NCAM1: variants seen among roughly 807,000 people sequenced by gnomAD.
NCAM1 encodes antigen recognized by monoclonal antibody 5.1H11.
NCAM1 carries 14 observed loss-of-function variants against 109.8 expected under a neutral mutation model. The observed-to-expected ratio is 0.13, with a 90% CI of 0.08 to 0.20. NCAM1 has a LOEUF of 0.20. NCAM1 is among the 10% of genes least tolerant of loss of function. The pLI, the probability that NCAM1 is intolerant of heterozygous loss-of-function variation, is 1.00. For synonymous variants in NCAM1, 418 were observed against 442.9 expected, an observed-to-expected ratio of 0.94 and a Z score of 0.70; for missense variants, 774 against 1,109.9, an observed-to-expected ratio of 0.70 and a Z score of 4.30.
At chr11:112,996,190 G>A (rs908630288) in intron 1 of NCAM1, among the ~76,000 whole-genome samples, 3 of 152,138 alleles carry the variant, frequency 2.0e-5, no homozygotes, top group Non-Finnish European at 2.9e-5. Context: ...TGTAAACTGT[G>A]TAATATGATG....
At chr11:113,193,725 A>G (rs1591404149) in intron 1 of NCAM1, among the ~76,000 whole-genome samples, 2 of 152,192 alleles carry the variant, frequency 1.3e-5, no homozygotes, top group South Asian at 4.2e-4. Context: ...GAAATGAGAA[A>G]AGAGAACTGG....
At chr11:113,232,852 AC>A (rs1555117567) in intron 12 of NCAM1, 38 bp downstream of exon 12, 4 of 1,538,146 alleles carry the variant, frequency 2.6e-6, no homozygotes, top group East Asian at 2.3e-5. Context: ...AGCTGCCACA[AC>A]CCCCCACCTA....
At chr11:112,992,152 C>CT (rs1951474727) in intron 1 of NCAM1, among the ~76,000 whole-genome samples, 1 of 152,016 alleles carries the variant, frequency 6.6e-6, no homozygotes, top group African/African-American at 2.4e-5. Context: ...GGTTTCCTTT[C>CT]TTAAAGAAGC....
intron 1 of NCAM1, among the ~76,000 whole-genome samples, chr11:113,107,216 T>C (rs1464839035): frequency 3.9e-5 from 6 of 152,180 alleles, no homozygotes; most frequent in Non-Finnish European, 7.3e-5. Context: ...GGGGTTCTTG[T>C]TCCTGCTCTA....
At chr11:113,084,487 C>T (rs548575450) in intron 1 of NCAM1, among the ~76,000 whole-genome samples, 2 of 152,266 alleles carry the variant, frequency 1.3e-5, no homozygotes, top group South Asian at 2.1e-4. Context: ...TCAGGATTGT[C>T]TTATCATTGA....
chr11:113,172,672 A>G (rs2136475063), intron 1 of NCAM1, among the ~76,000 whole-genome samples: 1 of 152,348 alleles, frequency 6.6e-6, no homozygotes. Context: ...TGGAGTTTAA[A>G]TTGTGTTCGG....
intron 1 of NCAM1, among the ~76,000 whole-genome samples, chr11:112,969,018 A>G (rs555095798): frequency 2.0e-5 from 3 of 152,304 alleles, no homozygotes; most frequent in South Asian, 2.1e-4. Flanking sequence ...AGACAGACAT[A>G]CTATACTTAT....
At chr11:113,183,943 T>G (rs1555108419) in intron 1 of NCAM1, among the ~76,000 whole-genome samples, 1 of 152,230 alleles carries the variant, frequency 6.6e-6, no homozygotes, top group African/African-American at 2.4e-5. Context: ...ATTTTCTACA[T>G]GTAGGCAATG....
rs1555126811 is a variant in NCAM1, at chr11:113,277,366, G to C, written c.*1979G>C. 5.0e-6 allele frequency: 2 copies of C among 399,048 alleles called. No individual in the cohort carries two copies. The allele number at this position is 399,048 out of a possible 1,614,324, so 24.7% of individuals were successfully genotyped here. A position where few individuals can be genotyped will look rare whatever the true frequency, so the allele number is the denominator to read the frequency against. ...TTTCTCAGCTCCTGGGGATGGAAAT[G>C]GAGGATCCCAGAACACACAGCCCTG... On this transcript the variant is annotated 3_prime_UTR_variant, in exon 20 of 20. Coordinates refer to ENST00000316851, the MANE Select transcript of NCAM1 (RefSeq NM_181351.5).
At chr11:112,964,992 T>C (rs1290664460) in intron 1 of NCAM1, among the ~76,000 whole-genome samples, 1 of 152,190 alleles carries the variant, frequency 6.6e-6, no homozygotes, top group African/African-American at 2.4e-5. Flanking sequence ...ACTGTTTTCT[T>C]AAGTTAATGC....
At position 113,275,535 on chromosome 11, in the gene NCAM1, C is replaced by T; in HGVS notation, c.*148C>T. 1 of 1,080,032 alleles carries T rather than the reference C, an allele frequency of 9.3e-7. No individual in the cohort carries two copies. The highest frequency in any genetic ancestry group is 1.3e-6 in the Non-Finnish European group (1 of 784,716). The allele number at this position is 1,080,032 out of a possible 1,614,324, so 66.9% of individuals were successfully genotyped here. On this transcript the variant is annotated 3_prime_UTR_variant, in exon 20 of 20. Transcript: ENST00000316851. ...ATCTCATTTCTCTAGTGTCTTTTGCCTTTAAAAAAAACTAAACAGATAAAA... is the reference window on the plus strand; with the variant it reads ...ATCTCATTTCTCTAGTGTCTTTTGCTTTTAAAAAAAACTAAACAGATAAAA...
At chr11:113,255,129 G>A (rs955822380) in intron 15 of NCAM1, among the ~76,000 whole-genome samples, 2 of 152,034 alleles carry the variant, frequency 1.3e-5, no homozygotes, top group Non-Finnish European at 2.9e-5. Context: ...CTCTCACAAA[G>A]AAAAAGACTG....
chr11:113,048,222 G>A (rs984696253), intron 1 of NCAM1, among the ~76,000 whole-genome samples: 4 of 152,172 alleles, frequency 2.6e-5, no homozygotes, highest in Non-Finnish European at 5.9e-5. Context: ...ATTTGGATTG[G>A]CATTGCTATC....
At chr11:113,112,637 G>A (rs1555093943) in intron 1 of NCAM1, among the ~76,000 whole-genome samples, 1 of 152,156 alleles carries the variant, frequency 6.6e-6, no homozygotes, top group African/African-American at 2.4e-5. Context: ...CCATTATGTA[G>A]AGAAAGATCT....
intron 1 of NCAM1, among the ~76,000 whole-genome samples, chr11:112,971,133 A>G (rs1950867924): frequency 6.6e-6 from 1 of 151,774 alleles, no homozygotes; most frequent in Non-Finnish European, 1.5e-5. Context: ...GAGAGGAAGG[A>G]AAAAGGGGAG....
intron 8 of NCAM1, among the ~76,000 whole-genome samples, chr11:113,218,842 T>C (rs1335601494): frequency 1.3e-5 from 2 of 152,202 alleles, no homozygotes; most frequent in African/African-American, 4.8e-5. Flanking sequence ...TTGACCATCA[T>C]AATGGGTCAA....
At chr11:113,181,975 C>G (rs1259638987) in intron 1 of NCAM1, among the ~76,000 whole-genome samples, 3 of 152,202 alleles carry the variant, frequency 2.0e-5, no homozygotes, top group Admixed American at 6.5e-5. Flanking sequence ...AAGTAGCTTA[C>G]TGCTGCATAT....
intron 1 of NCAM1, among the ~76,000 whole-genome samples, chr11:113,134,777 C>T (rs904185624): frequency 3.9e-5 from 6 of 152,230 alleles, no homozygotes; most frequent in South Asian, 2.1e-4. Context: ...CAAGTATTTT[C>T]GTAATGTGTA....
chr11:113,207,417 G>A (rs782117392), intron 6 of NCAM1, 39 bp downstream of exon 6: 2 of 1,523,434 alleles, frequency 1.3e-6, no homozygotes, highest in South Asian at 1.1e-5. Context: ...TGGACTAGAG[G>A]AGAATGGGGC....
Sources: allele counts gnomAD v4.1 joint callset (sites outside exome capture counted in the v4.1 genomes callset), GRCh38; gene constraint gnomAD v4.1.1; transcripts MANE v1.5; gene names NCBI Gene and HGNC (gene_info 2026-07-23, HGNC 2026-07-21).